SMARCA2: variants seen among roughly 807,000 people sequenced by gnomAD.
SMARCA2 encodes the protein SWI/SNF related BAF chromatin remodeling complex subunit ATPase 2.
A neutral mutation model predicts 199.8 loss-of-function variants in SMARCA2; 61 were observed. That is an observed-to-expected ratio of 0.31 (90% confidence interval 0.25 to 0.38). The LOEUF (loss-of-function observed/expected upper bound fraction) is 0.38. SMARCA2 is among the 10% of genes least tolerant of loss of function. The probability of loss-of-function intolerance (pLI) is 1.00; values close to 1 mark genes in which losing one functional copy is unlikely to be tolerated. For synonymous variants in SMARCA2, 935 were observed against 732.0 expected, an observed-to-expected ratio of 1.28 and a Z score of -4.48; for missense variants, 1,344 against 2,012.2, an observed-to-expected ratio of 0.67 and a Z score of 6.35.
chr9:2,048,322 A>G (rs982694301), intron 5 of SMARCA2, among the ~76,000 whole-genome samples: 1 of 152,204 alleles, frequency 6.6e-6, no homozygotes, highest in Non-Finnish European at 1.5e-5. Context: ...ATACTGTGTC[A>G]TCAGTAACTT....
At chr9:2,034,172 G>T (rs202072155) in intron 3 of SMARCA2, among the ~76,000 whole-genome samples, 1 of 151,116 alleles carries the variant, frequency 6.6e-6, no homozygotes, top group African/African-American at 2.4e-5. Flanking sequence ...TTGAACCCGG[G>T]GGCAGAGGTT....
chr9:2,158,266 C>G (rs1825480470), intron 27 of SMARCA2: 1 of 160,746 alleles, frequency 6.2e-6, no homozygotes, highest in Non-Finnish European at 1.3e-5. Context: ...ACTGTTTTAA[C>G]TTGACTGGGG....
intron 29 of SMARCA2, among the ~76,000 whole-genome samples, chr9:2,180,228 A>G (rs1166175101): frequency 6.6e-6 from 1 of 151,930 alleles, no homozygotes; most frequent in Admixed American, 6.6e-5. Context: ...TGAGGCCCAT[A>G]TGTGCATTAA....
At chr9:2,078,387 G>A (rs554178158) in intron 14 of SMARCA2, among the ~76,000 whole-genome samples, 170 of 152,048 alleles carry the variant, frequency 1.1e-3, no homozygotes, top group African/African-American at 3.9e-3. Flanking sequence ...CAGGAGAATC[G>A]CTTGAGCTCC....
At chr9:2,181,330 A>G (rs527367221) in intron 29 of SMARCA2, 4 of 369,322 alleles carry the variant, frequency 1.1e-5, no homozygotes, top group South Asian at 5.9e-5. Flanking sequence ...TCCACAGTGT[A>G]TTTCCCATAT....
At chr9:2,148,998 T>C (rs1443288962) in intron 27 of SMARCA2, among the ~76,000 whole-genome samples, 1 of 151,580 alleles carries the variant, frequency 6.6e-6, no homozygotes, top group Non-Finnish European at 1.5e-5. Context: ...CAAAAAGCTA[T>C]GGAAGCCATG....
chr9:2,178,657 T>C (rs1310682466), intron 29 of SMARCA2, among the ~76,000 whole-genome samples: 1 of 152,064 alleles, frequency 6.6e-6, no homozygotes, highest in African/African-American at 2.4e-5. Context: ...CAGCTCAAAT[T>C]AGAGAAAGAA....
chr9:2,054,480 G>A, intron 5 of SMARCA2, 117 bp from the exon 6 acceptor site: 1 of 1,219,770 alleles, frequency 8.2e-7, no homozygotes, highest in Non-Finnish European at 1.2e-6. Context: ...TCAACTATCA[G>A]TATCTGGAAT....
chr9:2,064,950 C>G (rs566024708), intron 9 of SMARCA2, among the ~76,000 whole-genome samples: 1 of 152,140 alleles, frequency 6.6e-6, no homozygotes, highest in African/African-American at 2.4e-5. Context: ...TTTGGGAGGC[C>G]GAGGCGGGCG....
chr9:2,076,796 C>G (rs947214434), intron 13 of SMARCA2, among the ~76,000 whole-genome samples: 3 of 152,106 alleles, frequency 2.0e-5, no homozygotes, highest in African/African-American at 7.2e-5. Flanking sequence ...ACCACCAACT[C>G]TCGCCCAGTC....
intron 14 of SMARCA2, among the ~76,000 whole-genome samples, chr9:2,080,585 A>T (rs529538064): frequency 3.7e-4 from 56 of 151,742 alleles, no homozygotes; most frequent in Non-Finnish European, 7.8e-4. Context: ...TTTTATAATA[A>T]TTTCCCCTCT....
Position 2,170,586 on chromosome 9 carries a change from A to AT in SMARCA2, c.4253+115dup, listed in dbSNP as rs1225002894. On this transcript the variant is annotated intron_variant, in intron 29 of 33. Transcript: ENST00000349721. This position sits in a 1 kb window ranked among gnomAD's most constrained non-coding sequence, Gnocchi z 4.7. ...AGCAAATTTCTTCGGTCACCTCCTG[A>AT]TCACCCCTACTTGGAGAGCGGGATA... 1 of 1,544,954 alleles carries AT rather than the reference A, an allele frequency of 6.5e-7. No homozygotes were observed. Among genetic ancestry groups the AT allele is most frequent in the Non-Finnish European group, 8.9e-7 (1 of 1,128,536 alleles).
intron 27 of SMARCA2, among the ~76,000 whole-genome samples, chr9:2,152,767 A>G (rs1825143811): frequency 5.3e-5 from 8 of 151,788 alleles, no homozygotes; most frequent in Admixed American, 4.6e-4. Context: ...CAGGAGAATC[A>G]CTTGAACCTG....
chr9:2,131,937 C>CAA (rs140860181), intron 27 of SMARCA2, among the ~76,000 whole-genome samples: 2 of 91,310 alleles, frequency 2.2e-5, no homozygotes, highest in Admixed American at 1.2e-4. Context: ...AACTCCATCT[C>CAA]AAAAAAAAAA....
intron 14 of SMARCA2, among the ~76,000 whole-genome samples, chr9:2,078,525 T>C (rs1039499415): frequency 2.6e-5 from 4 of 152,064 alleles, no homozygotes; most frequent in African/African-American, 9.7e-5. Flanking sequence ...GATTAAAAAT[T>C]AGGCCATTGT....
At chr9:2,141,061 G>A (rs908675716) in intron 27 of SMARCA2, among the ~76,000 whole-genome samples, 6 of 152,076 alleles carry the variant, frequency 3.9e-5, no homozygotes, top group African/African-American at 1.4e-4. Flanking sequence ...TGTAGTCAAT[G>A]CTTTCTTACT....
intron 1 of SMARCA2, among the ~76,000 whole-genome samples, chr9:2,021,607 T>C (rs1818602697): frequency 6.6e-6 from 1 of 152,198 alleles, no homozygotes; most frequent in South Asian, 2.1e-4. Context: ...ACTGGACATG[T>C]AATAAATGGC....
At chr9:2,132,871 T>G (rs1321479141) in intron 27 of SMARCA2, among the ~76,000 whole-genome samples, 5 of 152,204 alleles carry the variant, frequency 3.3e-5, no homozygotes, top group Admixed American at 3.3e-4. Context: ...TGAAATCCAG[T>G]GACTAGATTG....
At chr9:2,136,936 C>G (rs2130671053) in intron 27 of SMARCA2, among the ~76,000 whole-genome samples, 1 of 152,296 alleles carries the variant, frequency 6.6e-6, no homozygotes, top group Non-Finnish European at 1.5e-5. Context: ...CCACCATCCT[C>G]AAACTCCCAG....
Sources: allele counts gnomAD v4.1 joint callset (sites outside exome capture counted in the v4.1 genomes callset), GRCh38; gene constraint gnomAD v4.1.1; non-coding constraint Gnocchi (gnomAD v3.1); transcripts MANE v1.5; gene names NCBI Gene and HGNC (gene_info 2026-07-23, HGNC 2026-07-21).